Variants in ELMO1 observed in about 807,000 individuals in gnomAD.
The protein encoded by ELMO1 is engulfment and cell motility protein 1.
Under a neutral mutation model 98.9 loss-of-function variants are expected in ELMO1, and 26 were observed. That is an observed-to-expected ratio of 0.26 (90% CI 0.19 to 0.36). The LOEUF (loss-of-function observed/expected upper bound fraction) is 0.36, where lower values mean the gene tolerates loss of function less well. Ranked by LOEUF, ELMO1 falls within the 10% of genes least tolerant of loss-of-function variation. The pLI is 1.00. For missense variants in ELMO1, 627 were observed against 935.2 expected, an observed-to-expected ratio of 0.67 and a Z score of 4.30; for synonymous variants, 346 against 346.0, an observed-to-expected ratio of 1.00 and a Z score of 0.00.
Position 37,366,946 on chromosome 7 carries a change from G to A in ELMO1, c.-73-24183C>T, listed in dbSNP as rs559197769. Among the ~76,000 whole-genome samples, 59 of 151,880 alleles carry A rather than the reference G, an allele frequency of 3.9e-4. 1 individual carries two copies. Among genetic ancestry groups the A allele is most frequent in the African/African-American group, 1.4e-3 (58 of 41,138 alleles). ...TTGAGAAAGTAAACAAAGATATTATGTGCTACTAAAATATACTTACATAGT... is the reference window on the plus strand; with the variant it reads ...TTGAGAAAGTAAACAAAGATATTATATGCTACTAAAATATACTTACATAGT... On this transcript the variant is annotated intron_variant, in intron 1 of 21. Coordinates refer to ENST00000310758, the MANE Select transcript of ELMO1 (RefSeq NM_014800.11).
chr7:37,006,744 G>C (rs151207823), intron 16 of ELMO1, among the ~76,000 whole-genome samples: 90 of 152,332 alleles, frequency 5.9e-4, no homozygotes, highest in African/African-American at 2.0e-3. Context: ...TAATGCAAAA[G>C]AGAAGGAGAA....
chr7:37,307,398 TGAA>T (rs1583509914), intron 4 of ELMO1, among the ~76,000 whole-genome samples: 2 of 152,192 alleles, frequency 1.3e-5, no homozygotes, highest in African/African-American at 2.4e-5. Context: ...TGCCTCCATG[TGAA>T]GAAGGACATG....
At chr7:36,989,160 A>G (rs765574771) in intron 16 of ELMO1, among the ~76,000 whole-genome samples, 7 of 152,248 alleles carry the variant, frequency 4.6e-5, no homozygotes, top group Non-Finnish European at 8.8e-5. Flanking sequence ...CTTTGTCTAG[A>G]TTAACCAATT....
chr7:36,856,141 G>A (rs1398047963), intron 21 of ELMO1, among the ~76,000 whole-genome samples: 8 of 152,146 alleles, frequency 5.3e-5, no homozygotes, highest in Admixed American at 3.3e-4. Flanking sequence ...GGAATCTACC[G>A]AACAGCCCTG....
chr7:37,121,222 C>A (rs917412392), intron 14 of ELMO1, among the ~76,000 whole-genome samples: 2 of 152,216 alleles, frequency 1.3e-5, no homozygotes. Flanking sequence ...GAGCGCCTCT[C>A]CTCCTCCAAA....
At chr7:36,956,596 C>T (rs1788466871) in intron 16 of ELMO1, among the ~76,000 whole-genome samples, 1 of 152,286 alleles carries the variant, frequency 6.6e-6, no homozygotes, top group South Asian at 2.1e-4. Context: ...CTCAAAAATG[C>T]ACCCAGGCGT....
chr7:37,277,196 G>C (rs773860046), intron 4 of ELMO1, among the ~76,000 whole-genome samples: 150 of 152,376 alleles, frequency 9.8e-4, no homozygotes, highest in Non-Finnish European at 1.7e-3. Flanking sequence ...GAATTGGTCA[G>C]TGACAGAAAC....
chr7:37,244,332 T>C, intron 7 of ELMO1, 24 bp downstream of exon 7: 2 of 1,611,276 alleles, frequency 1.2e-6, no homozygotes, highest in South Asian at 2.2e-5. Flanking sequence ...AAATCATCAA[T>C]ATCAATCGAT....
At chr7:37,029,258 A>C (rs1314724953) in intron 15 of ELMO1, among the ~76,000 whole-genome samples, 1 of 152,172 alleles carries the variant, frequency 6.6e-6, no homozygotes, top group Non-Finnish European at 1.5e-5. Context: ...CAGTTCACAT[A>C]AAAAGACCAC....
intron 4 of ELMO1, among the ~76,000 whole-genome samples, chr7:37,278,113 C>T (rs1484786221): frequency 4.1e-4 from 35 of 85,598 alleles, no homozygotes; most frequent in African/African-American, 7.0e-4. Flanking sequence ...ATAGCTTTTC[C>T]TTTTTTTTTT....
chr7:36,934,582 G>A (rs1214630222), intron 16 of ELMO1, among the ~76,000 whole-genome samples: 1 of 152,144 alleles, frequency 6.6e-6, no homozygotes, highest in South Asian at 2.1e-4. Context: ...GCAAATAATT[G>A]AAATGGAAAT....
Position 36,986,384 on chromosome 7 carries a change from A to G in ELMO1, c.1437+26915T>C, listed in dbSNP as rs533320605. 395 of 408,734 alleles carry G rather than the reference A, an allele frequency of 9.7e-4. 1 individual carries two copies. Among genetic ancestry groups the G allele is most frequent in the Non-Finnish European group, 1.2e-3 (374 of 302,984 alleles). 25.3% of individuals were successfully genotyped at this position (408,734 alleles called of 1,614,324 possible). On this transcript the variant is annotated intron_variant, in intron 16 of 21. Coordinates refer to ENST00000310758, the MANE Select transcript of ELMO1 (RefSeq NM_014800.11). ...CCTATGCTCTTTTGTCAATAAACCC[A>G]TAGCTCCCCGTCTTGGTACTTCTCA...
intron 13 of ELMO1, among the ~76,000 whole-genome samples, chr7:37,177,400 G>C (rs1399719491): frequency 6.6e-6 from 1 of 152,204 alleles, no homozygotes; most frequent in Non-Finnish European, 1.5e-5. Context: ...TCAAACTTCA[G>C]AGCTAATTAA....
At chr7:37,319,350 A>C (rs1280352020) in intron 2 of ELMO1, among the ~76,000 whole-genome samples, 1 of 152,102 alleles carries the variant, frequency 6.6e-6, no homozygotes, top group Non-Finnish European at 1.5e-5. Context: ...CACTCTTCAG[A>C]TATAAGGTGC....
intron 1 of ELMO1, among the ~76,000 whole-genome samples, chr7:37,359,202 G>A (rs1246345638): frequency 6.6e-6 from 1 of 152,188 alleles, no homozygotes; most frequent in Non-Finnish European, 1.5e-5. Flanking sequence ...CTCCTTCCTT[G>A]CAGGACTATC....
At chr7:37,154,453 G>C (rs566841647) in intron 13 of ELMO1, among the ~76,000 whole-genome samples, 5 of 152,316 alleles carry the variant, frequency 3.3e-5, no homozygotes, top group African/African-American at 1.2e-4. Flanking sequence ...AGAACAACCA[G>C]TGTAGAGAAG....
intron 14 of ELMO1, among the ~76,000 whole-genome samples, chr7:37,114,538 T>C (rs566114880): frequency 6.6e-6 from 1 of 152,194 alleles, no homozygotes; most frequent in South Asian, 2.1e-4. Flanking sequence ...TTTAGCGCCA[T>C]GAAACAGTTA....
chr7:37,357,469 C>T (rs926324818), intron 1 of ELMO1, among the ~76,000 whole-genome samples: 3 of 152,172 alleles, frequency 2.0e-5, no homozygotes, highest in African/African-American at 7.2e-5. Context: ...ATAATGATTA[C>T]TCAGCTTCAT....
rs554482767 is a variant in ELMO1, at chr7:37,000,482, T to C, written c.1437+12817A>G. ...CCTCCAGCACTTAAAACTCTCACTGTGGCAAGAACTGGGTCTTCCCACTCT... is the reference window on the plus strand; with the variant it reads ...CCTCCAGCACTTAAAACTCTCACTGCGGCAAGAACTGGGTCTTCCCACTCT... On this transcript the variant is annotated intron_variant, in intron 16 of 21. Transcript: ENST00000310758. Among the ~76,000 whole-genome samples the C allele has an allele frequency of 1.4e-4, 22 of 152,356 alleles. No individual in the cohort carries two copies. In the South Asian group the frequency reaches 3.9e-3, roughly 27 times the overall value.
Sources: allele counts gnomAD v4.1 joint callset (sites outside exome capture counted in the v4.1 genomes callset), GRCh38; gene constraint gnomAD v4.1.1; transcripts MANE v1.5; gene names NCBI Gene and HGNC (gene_info 2026-07-23, HGNC 2026-07-21).